Variants in MGRN1 observed in about 807,000 individuals in gnomAD.
The protein encoded by MGRN1 is E3 ubiquitin-protein ligase MGRN1.
Under a neutral mutation model 69.2 loss-of-function variants are expected in MGRN1, and 29 were observed. That is an observed-to-expected ratio of 0.42 (90% CI 0.31 to 0.57). MGRN1 has a LOEUF of 0.57. MGRN1 is among the 20% of genes least tolerant of loss of function. The pLI, the probability that MGRN1 is intolerant of heterozygous loss-of-function variation, is 0.15. For synonymous variants in MGRN1, 470 were observed against 344.2 expected (o/e 1.37, Z -4.04); for missense variants, 998 against 796.2 (o/e 1.25, Z -3.05).
Position 4,682,962 on chromosome 16 carries a change from G to C in MGRN1, c.1482+16G>C. 6.5e-7 allele frequency: 1 copy of C among 1,542,480 alleles called. No individual in the cohort carries two copies. Among genetic ancestry groups the C allele is most frequent in the Non-Finnish European group, 8.8e-7 (1 of 1,141,038 alleles). The stretch of plus-strand genomic sequence containing the variant: ...CTCCCCTGAGGTGAGGCCCCCCCGG[G>C]GAAGCTTTGCGCACCCGCCCGGGCC... On this transcript the variant is annotated intron_variant, in intron 14 of 16. Transcript: ENST00000262370.
intron 1 of MGRN1, among the ~76,000 whole-genome samples, chr16:4,628,158 A>G (rs1486075407): frequency 2.0e-5 from 3 of 150,542 alleles, no homozygotes; most frequent in South Asian, 2.1e-4. Flanking sequence ...AGGCCGAGGC[A>G]GGCGGATCAC....
intron 1 of MGRN1, among the ~76,000 whole-genome samples, chr16:4,647,370 T>C (rs115522687): frequency 0.018 from 2,711 of 151,174 alleles, 73 homozygotes; most frequent in African/African-American, 0.063. Flanking sequence ...AAATTCACCT[T>C]TAAAGACTTT....
chr16:4,668,808 A>G (rs931614751), intron 8 of MGRN1, among the ~76,000 whole-genome samples: 3 of 151,928 alleles, frequency 2.0e-5, no homozygotes, highest in African/African-American at 7.3e-5. Context: ...ACACACACGT[A>G]TACAGACACA....
chr16:4,644,552 C>T (rs550884774), intron 1 of MGRN1, among the ~76,000 whole-genome samples: 1 of 152,254 alleles, frequency 6.6e-6, no homozygotes, highest in South Asian at 2.1e-4. Flanking sequence ...TCAGGTGATC[C>T]ACCCACCTTG....
intron 1 of MGRN1, chr16:4,634,527 A>G (rs1316736965): frequency 6.6e-6 from 1 of 152,410 alleles, no homozygotes; most frequent in Non-Finnish European, 1.5e-5. Context: ...CGTCTGCACC[A>G]TCCCTGCAGT....
At chr16:4,679,916 G>C in intron 11 of MGRN1, 116 bp from the exon 12 acceptor site, 2 of 977,802 alleles carry the variant, frequency 2.0e-6, no homozygotes, top group South Asian at 2.9e-5. Context: ...TCCCCCGGAA[G>C]CTTGTGAAGT....
At position 4,650,420 on chromosome 16, in the gene MGRN1, C is replaced by T. The variant is rs1405251700; in HGVS notation, c.144C>T (p.His48=). The T allele has an allele frequency of 3.1e-6, 5 of 1,614,016 alleles. No homozygotes were observed. Among genetic ancestry groups the T allele is most frequent in the Non-Finnish European group, 4.2e-6 (5 of 1,179,998 alleles). The part of the protein sequence containing the change: ...FMGGEKFDTP[H]PEGYLFGENM... ...GAGGAGAGAAATTCGACACCCCCCACCCTGAAGGTTACCTCTTTGGAGAGA... is the reference window on the plus strand; with the variant it reads ...GAGGAGAGAAATTCGACACCCCCCATCCTGAAGGTTACCTCTTTGGAGAGA... Residue 48 remains histidine, a synonymous_variant, in exon 2 of 17, where the codon CAC becomes CAT. Transcript: ENST00000262370.
At chr16:4,667,604 T>C (rs971718567) in intron 7 of MGRN1, among the ~76,000 whole-genome samples, 5 of 152,196 alleles carry the variant, frequency 3.3e-5, no homozygotes, top group Admixed American at 3.3e-4. Flanking sequence ...AAATTTCTGT[T>C]AGAACCCACC....
At chr16:4,641,879 C>T (rs1357058311) in intron 1 of MGRN1, among the ~76,000 whole-genome samples, 3 of 151,828 alleles carry the variant, frequency 2.0e-5, no homozygotes, top group East Asian at 3.9e-4. Flanking sequence ...GTCTGAAATT[C>T]GTGGCTTCAA....
intron 1 of MGRN1, among the ~76,000 whole-genome samples, chr16:4,648,161 G>A (rs768872726): frequency 1.2e-4 from 19 of 152,202 alleles, no homozygotes; most frequent in Non-Finnish European, 2.8e-4. Context: ...TGCAATACGT[G>A]AGGTTGAGGA....
intron 8 of MGRN1, among the ~76,000 whole-genome samples, chr16:4,668,588 ACT>A (rs1490262860): frequency 5.3e-5 from 8 of 151,214 alleles, no homozygotes; most frequent in African/African-American, 9.8e-5. Flanking sequence ...CAGACACGAC[ACT>A]CATACACACA....
chr16:4,683,737 C>T (rs1170347252), intron 15 of MGRN1, 106 bp from the exon 16 acceptor site: 5 of 935,662 alleles, frequency 5.3e-6, no homozygotes, highest in Middle Eastern at 2.2e-4. Flanking sequence ...GGGGTCCCCA[C>T]AGTGGCTACA....
At chr16:4,687,924 T>C (rs559723925) in intron 16 of MGRN1, 4 of 985,556 alleles carry the variant, frequency 4.1e-6, no homozygotes, top group Non-Finnish European at 4.8e-6. Flanking sequence ...TACCCCTAGA[T>C]TGAAACAGTC....
chr16:4,676,545 T>A (rs943227594), intron 10 of MGRN1, among the ~76,000 whole-genome samples: 1 of 152,168 alleles, frequency 6.6e-6, no homozygotes, highest in African/African-American at 2.4e-5. Flanking sequence ...GAGGGGCCCC[T>A]CACAGGCGCC....
In MGRN1 at chr16:4,657,274, T is replaced by C. The variant is rs1596288882; in HGVS notation, c.472T>C (p.Ser158Pro). The change falls in exon 5 of 17, where the codon TCC becomes CCC. Residue 158 changes from serine to proline, a missense_variant. Transcript: ENST00000262370. ...CAGCCCCAAGAGCCCCTCGCTACAG[T>C]CCGAGACCGTCCACTACAAGAGAGG... is the stretch of plus-strand genomic sequence containing the variant. ...VYSPKSPSLQ[S>P]ETVHYKRGVS... The C allele has an allele frequency of 1.2e-6, 2 of 1,614,116 alleles. No homozygotes were observed. The highest frequency in any genetic ancestry group is 1.7e-6 in the Non-Finnish European group (2 of 1,179,976).
At chr16:4,672,629 G>C in intron 9 of MGRN1, 1 of 359,312 alleles carries the variant, frequency 2.8e-6, no homozygotes, top group South Asian at 2.1e-5. Flanking sequence ...ACTCCACGCT[G>C]CCATTACAAC....
intron 8 of MGRN1, among the ~76,000 whole-genome samples, chr16:4,670,788 T>A (rs2078921538): frequency 1.3e-5 from 2 of 152,206 alleles, no homozygotes; most frequent in Non-Finnish European, 2.9e-5. Flanking sequence ...CCAGTGATGG[T>A]CAGGGCCTTG....
At chr16:4,687,618 A>G (rs1279383392) in intron 16 of MGRN1, 1 of 698,872 alleles carries the variant, frequency 1.4e-6, no homozygotes, top group Non-Finnish European at 1.7e-6. Flanking sequence ...CGGGGGAGAG[A>G]GAGAAGGCAG....
In MGRN1 at chr16:4,624,851, G is replaced by A. The variant is rs1022691832; in HGVS notation, c.-110G>A. 52 of 904,312 alleles carry A rather than the reference G, an allele frequency of 5.8e-5. No homozygotes were observed. The African/African-American group carries it at 6.5e-4, about 11-fold the overall frequency. The allele number at this position is 904,312 out of a possible 1,614,324, so 56.0% of individuals were successfully genotyped here. A position where few individuals can be genotyped will look rare whatever the true frequency, so the allele number is the denominator to read the frequency against. ...GGGGGCTCGAGGCGCCTCCGCGGCC[G>A]TGGACGAGCGTCCGTGCGGCCTGGT... On this transcript the variant is annotated 5_prime_UTR_variant, in exon 1 of 17. The change creates a new upstream start codon in the 5' untranslated region. Transcript: ENST00000262370.
Sources: allele counts gnomAD v4.1 joint callset (sites outside exome capture counted in the v4.1 genomes callset), GRCh38; gene constraint gnomAD v4.1.1; transcripts MANE v1.5; gene names NCBI Gene and HGNC (gene_info 2026-07-23, HGNC 2026-07-21).